FBXW7: variants seen among roughly 807,000 people sequenced by gnomAD.
FBXW7 encodes F-box/WD repeat-containing protein 7.
FBXW7 carries 11 observed loss-of-function variants against 86.3 expected under a neutral mutation model. The ratio of observed to expected loss-of-function variants is 0.13; its 90% CI spans 0.08 to 0.21. The LOEUF is 0.21. Among genes scored for constraint, FBXW7 ranks in the 10% least tolerant of loss-of-function variants. The probability of loss-of-function intolerance (pLI) is 1.00; values close to 1 mark genes in which losing one functional copy is unlikely to be tolerated. For missense variants in FBXW7, 488 were observed against 847.4 expected (o/e 0.58, Z 5.27); for synonymous variants, 313 against 297.9 (o/e 1.05, Z -0.52).
At chr4:152,517,660 C>T (rs1388506373) in intron 2 of FBXW7, among the ~76,000 whole-genome samples, 1 of 152,182 alleles carries the variant, frequency 6.6e-6, no homozygotes, top group Non-Finnish European at 1.5e-5. Flanking sequence ...GGGATATTAA[C>T]AACACTTACC....
At chr4:152,519,793 T>C (rs761669265) in intron 2 of FBXW7, among the ~76,000 whole-genome samples, 34 of 152,198 alleles carry the variant, frequency 2.2e-4, no homozygotes, top group South Asian at 1.4e-3. Flanking sequence ...CCATTTTCAA[T>C]AAAAACTTAA....
At chr4:152,374,642 T>C (rs1261292328) in intron 4 of FBXW7, among the ~76,000 whole-genome samples, 1 of 152,100 alleles carries the variant, frequency 6.6e-6, no homozygotes, top group Admixed American at 6.6e-5. Context: ...AACCTCTGAA[T>C]TGTAAGAGTT....
intron 2 of FBXW7, among the ~76,000 whole-genome samples, chr4:152,530,122 C>CATAT (rs201377079): frequency 4.1e-5 from 6 of 145,836 alleles, no homozygotes; most frequent in African/African-American, 1.3e-4. Context: ...TATACGTGTA[C>CATAT]ATATATATAT....
intron 2 of FBXW7, among the ~76,000 whole-genome samples, chr4:152,532,743 G>A (rs1259389489): frequency 6.6e-6 from 1 of 152,090 alleles, no homozygotes; most frequent in African/African-American, 2.4e-5. Context: ...ATCCAGTGCG[G>A]TCTTAGATAA....
intron 2 of FBXW7, among the ~76,000 whole-genome samples, chr4:152,482,327 A>AT (rs2149671768): frequency 6.6e-6 from 1 of 152,360 alleles, no homozygotes; most frequent in East Asian, 1.9e-4. Context: ...TTGTATAAAC[A>AT]TAACTTATAT....
intron 13 of FBXW7, 118 bp from the exon 14 acceptor site, chr4:152,323,267 T>A (rs150948652): frequency 1.6e-6 from 2 of 1,212,294 alleles, no homozygotes; most frequent in Non-Finnish European, 2.2e-6. Flanking sequence ...TTTGAAATGA[T>A]ACATATTTAG....
At chr4:152,415,782 T>C (rs1738375548) in intron 2 of FBXW7, among the ~76,000 whole-genome samples, 1 of 152,124 alleles carries the variant, frequency 6.6e-6, no homozygotes, top group Admixed American at 6.6e-5. Flanking sequence ...CACCGTTCTT[T>C]CTTGAGGGGT....
At chr4:152,421,545 T>C (rs559679051) in intron 2 of FBXW7, among the ~76,000 whole-genome samples, 6 of 152,050 alleles carry the variant, frequency 3.9e-5, no homozygotes, top group Non-Finnish European at 1.5e-5. Context: ...TTTTTAAACA[T>C]ACGAAAAAGT....
At chr4:152,386,307 A>C (rs959670155) in intron 4 of FBXW7, among the ~76,000 whole-genome samples, 1 of 152,070 alleles carries the variant, frequency 6.6e-6, no homozygotes, top group Non-Finnish European at 1.5e-5. Flanking sequence ...TGGCTTTACC[A>C]GGTATGACCT....
At chr4:152,501,360 A>G (rs999562080) in intron 2 of FBXW7, among the ~76,000 whole-genome samples, 6 of 152,214 alleles carry the variant, frequency 3.9e-5, no homozygotes, top group Non-Finnish European at 7.3e-5. Context: ...ATCTCCTTAT[A>G]TTCTCATATC....
chr4:152,495,290 A>G (rs1049401880), intron 2 of FBXW7, among the ~76,000 whole-genome samples: 1 of 151,938 alleles, frequency 6.6e-6, no homozygotes, highest in African/African-American at 2.4e-5. Flanking sequence ...AAAAAAAACA[A>G]ATTAGCTGGG....
At chr4:152,528,938 TTGTGTG>T (rs142822510) in intron 2 of FBXW7, among the ~76,000 whole-genome samples, 2 of 150,044 alleles carry the variant, frequency 1.3e-5, no homozygotes, top group African/African-American at 2.4e-5. Flanking sequence ...CATACATACT[TTGTGTG>T]TGTGTGTGTG....
chr4:152,428,138 AT>A (rs982498503), intron 2 of FBXW7, among the ~76,000 whole-genome samples: 7 of 152,184 alleles, frequency 4.6e-5, no homozygotes, highest in Non-Finnish European at 1.0e-4. Context: ...CAAGATTTGA[AT>A]TAGGTAACCC....
At chr4:152,331,737 C>T (rs1045412458) in intron 8 of FBXW7, among the ~76,000 whole-genome samples, 1 of 152,004 alleles carries the variant, frequency 6.6e-6, no homozygotes, top group South Asian at 2.1e-4. Context: ...AAATTACATA[C>T]ATGTTATCAC....
chr4:152,407,667 A>G (rs1234896787), intron 4 of FBXW7, among the ~76,000 whole-genome samples: 1 of 152,170 alleles, frequency 6.6e-6, no homozygotes, highest in African/African-American at 2.4e-5. Flanking sequence ...GAATTTATAG[A>G]CAAGAAAGGG....
rs1358829243 is a variant in FBXW7, at chr4:152,328,261, G to A, written c.1365C>T (p.His455=). The A allele has an allele frequency of 1.2e-6, 2 of 1,602,784 alleles. No individual in the cohort carries two copies. The highest frequency in any genetic ancestry group is 2.2e-5 in the South Asian group (2 of 89,050). ...CAGTGGAAGTATGCCCATATAAGGT[G>A]TGTATACATTCTCCAGTCTCTGCAT... ...VWNAETGECI[H]TLYGHTSTVR... is the part of the protein sequence containing the mutation. The change falls in exon 11 of 14, where the codon CAC becomes CAT. Residue 455 remains histidine, a synonymous_variant. Transcript: ENST00000281708.
intron 2 of FBXW7, chr4:152,530,555 A>G (rs1749939093): frequency 6.6e-6 from 1 of 152,230 alleles, no homozygotes; most frequent in Non-Finnish European, 1.5e-5. Flanking sequence ...TAAAGATGGT[A>G]TCACCCCGAC....
rs113728440 is a variant in FBXW7, at chr4:152,482,725, A to T, written c.-120+52216T>A. Among the ~76,000 whole-genome samples, 432 of 152,230 alleles carry T rather than the reference A, an allele frequency of 2.8e-3. 1 individual carries two copies. Among genetic ancestry groups the T allele is most frequent in the Non-Finnish European group, 5.4e-3 (370 of 68,008 alleles). On this transcript the variant is annotated intron_variant, in intron 2 of 13. Transcript: ENST00000281708. ...GAGATATTTCTTTATTTACTCATGGATTCATACCAATATTTCCAATTAATC... is the reference window on the plus strand; with the variant it reads ...GAGATATTTCTTTATTTACTCATGGTTTCATACCAATATTTCCAATTAATC...
At chr4:152,420,126 A>C (rs1738812319) in intron 2 of FBXW7, among the ~76,000 whole-genome samples, 1 of 152,170 alleles carries the variant, frequency 6.6e-6, no homozygotes, top group South Asian at 2.1e-4. Context: ...TTGTCAACTA[A>C]TTTTATGTAA....
Sources: allele counts gnomAD v4.1 joint callset (sites outside exome capture counted in the v4.1 genomes callset), GRCh38; gene constraint gnomAD v4.1.1; transcripts MANE v1.5; gene names NCBI Gene and HGNC (gene_info 2026-07-23, HGNC 2026-07-21).